AGMO: variants seen among roughly 807,000 people sequenced by gnomAD.
AGMO encodes the protein glyceryl-ether monooxygenase.
AGMO carries 75 observed loss-of-function variants against 60.2 expected under a neutral mutation model. The ratio of observed to expected loss-of-function variants is 1.25; its 90% CI spans 1.03 to 1.51. The LOEUF is 1.51. Ranked by LOEUF, AGMO falls within the 40% of genes most tolerant of loss-of-function variation. AGMO has a pLI of 0.00. For missense variants in AGMO, 763 were observed against 525.5 expected, an observed-to-expected ratio of 1.45 and a Z score of -4.42; for synonymous variants, 261 against 177.1, an observed-to-expected ratio of 1.47 and a Z score of -3.76.
chr7:15,288,569 T>C (rs1784165552), intron 12 of AGMO, among the ~76,000 whole-genome samples: 1 of 152,040 alleles, frequency 6.6e-6, no homozygotes, highest in Non-Finnish European at 1.5e-5. Flanking sequence ...TATGTACATA[T>C]TTACTCACTA....
At chr7:15,213,734 A>AT (rs1781659914) in intron 12 of AGMO, among the ~76,000 whole-genome samples, 1 of 151,936 alleles carries the variant, frequency 6.6e-6, no homozygotes, top group African/African-American at 2.4e-5. Flanking sequence ...GCTTCCCAAA[A>AT]TTTTACAAAG....
intron 12 of AGMO, among the ~76,000 whole-genome samples, chr7:15,248,187 T>TAC (rs1782810080): frequency 4.1e-5 from 2 of 48,264 alleles, no homozygotes; most frequent in African/African-American, 1.0e-4. Context: ...ACCATATATA[T>TAC]ATATATATAT....
chr7:15,322,896 G>GA (rs1429714077), intron 12 of AGMO, among the ~76,000 whole-genome samples: 2 of 142,442 alleles, frequency 1.4e-5, no homozygotes, highest in Admixed American at 1.5e-4. Context: ...CTTGATACAG[G>GA]AAAAAATATA....
At chr7:15,509,418 A>C (rs983315885) in intron 3 of AGMO, among the ~76,000 whole-genome samples, 1 of 152,116 alleles carries the variant, frequency 6.6e-6, no homozygotes, top group African/African-American at 2.4e-5. Context: ...TACACAGTAC[A>C]CAAAAATATC....
intron 12 of AGMO, among the ~76,000 whole-genome samples, chr7:15,285,156 G>A (rs141242597): frequency 5.9e-5 from 9 of 151,530 alleles, no homozygotes; most frequent in South Asian, 2.1e-4. Context: ...GCATTCCCCC[G>A]AGAACTAAAA....
chr7:15,481,592 T>C (rs1477412622), intron 3 of AGMO, among the ~76,000 whole-genome samples: 3 of 151,264 alleles, frequency 2.0e-5, no homozygotes, highest in Non-Finnish European at 4.4e-5. Context: ...AAGAAAAAAC[T>C]AAAGGAGAAA....
the AGMO span, among the ~76,000 whole-genome samples, chr7:15,124,679 A>G: frequency 6.6e-6 from 1 of 152,114 alleles, no homozygotes; most frequent in South Asian, 2.1e-4. Context: ...TTTCTTTATA[A>G]CTAAAGATGG....
chr7:15,133,174 A>G, the AGMO span, among the ~76,000 whole-genome samples: 1 of 152,202 alleles, frequency 6.6e-6, no homozygotes, highest in African/African-American at 2.4e-5. Context: ...TAAATGTGAC[A>G]TAATCCTGTA....
At chr7:15,169,108 AGCAGGAGGACT>A in the AGMO span, among the ~76,000 whole-genome samples, 1 of 152,318 alleles carries the variant, frequency 6.6e-6, no homozygotes, top group South Asian at 2.1e-4. Flanking sequence ...GTGACAAATG[AGCAGGAGGACT>A]GCTGACCTTC....
At chr7:15,365,372 C>T (rs1782928934) in intron 12 of AGMO, 142 bp downstream of exon 12, 2 of 259,070 alleles carry the variant, frequency 7.7e-6, no homozygotes, top group Non-Finnish European at 1.2e-5. Context: ...CTAACAAGTA[C>T]TGGTAAGTAA....
intron 6 of AGMO, among the ~76,000 whole-genome samples, chr7:15,391,919 A>G (rs1176343681): frequency 3.9e-5 from 6 of 152,112 alleles, no homozygotes; most frequent in African/African-American, 1.4e-4. Context: ...ACAACAAAGA[A>G]ATATCTGTCC....
chr7:15,431,110 T>G lies in AGMO; in HGVS notation c.410-2A>C, dbSNP rs1192810596. Reference sequence around the variant, plus strand: ...GTCCGGCCCACATAATATTAACTTCTGCAAAACACATAATTTGCAATGAGC... The same window carrying G: ...GTCCGGCCCACATAATATTAACTTCGGCAAAACACATAATTTGCAATGAGC... On this transcript the variant is annotated splice_acceptor_variant, in intron 3 of 12. Coordinates refer to ENST00000342526, the MANE Select transcript of AGMO (RefSeq NM_001004320.2). LOFTEE classifies it high-confidence loss of function. 4 of 1,603,686 alleles carry G rather than the reference T, an allele frequency of 2.5e-6. No individual in the cohort carries two copies. In the South Asian group the frequency reaches 4.4e-5, roughly 18 times the overall value.
intron 3 of AGMO, among the ~76,000 whole-genome samples, chr7:15,442,262 T>C (rs1033910573): frequency 3.4e-4 from 52 of 152,240 alleles, no homozygotes; most frequent in Admixed American, 3.4e-3. Flanking sequence ...TTACCAATTA[T>C]AGATGTTGTT....
At chr7:15,138,021 T>C in the AGMO span, among the ~76,000 whole-genome samples, 2 of 152,130 alleles carry the variant, frequency 1.3e-5, no homozygotes, top group Non-Finnish European at 2.9e-5. Context: ...CAAAGGCTAT[T>C]ATCCTCGCTT....
intron 3 of AGMO, among the ~76,000 whole-genome samples, chr7:15,510,812 C>CAT (rs1783651250): frequency 6.7e-6 from 1 of 148,328 alleles, no homozygotes; most frequent in African/African-American, 2.5e-5. Context: ...CATAAGGAAA[C>CAT]ATTTTATTAC....
chr7:15,455,152 C>T (rs1781968176), intron 3 of AGMO, among the ~76,000 whole-genome samples: 1 of 150,938 alleles, frequency 6.6e-6, no homozygotes, highest in East Asian at 1.9e-4. Flanking sequence ...GTTATATTAT[C>T]ATTATTTTTG....
intron 12 of AGMO, among the ~76,000 whole-genome samples, chr7:15,297,565 A>C (rs1784440475): frequency 6.6e-6 from 1 of 152,192 alleles, no homozygotes; most frequent in Non-Finnish European, 1.5e-5. Context: ...TTAGTGTTGC[A>C]TTTGGCCACG....
chr7:15,531,316 AC>A (rs1784334914), intron 3 of AGMO, among the ~76,000 whole-genome samples: 2 of 80,414 alleles, frequency 2.5e-5, no homozygotes, highest in African/African-American at 1.4e-4. Flanking sequence ...TATATTCTAT[AC>A]ATATATTCTA....
chr7:15,347,642 G>T (rs1251407690), intron 12 of AGMO, among the ~76,000 whole-genome samples: 1 of 151,900 alleles, frequency 6.6e-6, no homozygotes, highest in Non-Finnish European at 1.5e-5. Flanking sequence ...AGTGTGGCCA[G>T]ATCTTTGAAT....
Sources: gnomAD v4.1 joint callset for allele counts (sites outside exome capture counted in the v4.1 genomes callset) on GRCh38, gnomAD v4.1.1 for gene constraint, MANE v1.5 for transcripts, NCBI Gene and HGNC (gene_info 2026-07-23, HGNC 2026-07-21) for gene names.